Variants in FANCD2 observed in about 807,000 individuals in gnomAD.
FANCD2 encodes the protein FA complementation group D2, also known as Fanconi anemia group D2 protein.
Under a neutral mutation model 192.3 loss-of-function variants are expected in FANCD2, and 131 were observed. That is an observed-to-expected ratio of 0.68 (90% confidence interval 0.59 to 0.79). The LOEUF is 0.79. Among genes scored for constraint, FANCD2 ranks in the 30% least tolerant of loss-of-function variants. FANCD2 has a pLI of 0.00. For missense variants in FANCD2, 1,508 were observed against 1,701.6 expected (o/e 0.89, Z 2.00); for synonymous variants, 524 against 612.5 (o/e 0.86, Z 2.13).
intron 14 of FANCD2, chr3:10,045,790 CAG>C (rs2086989046): frequency 6.6e-6 from 1 of 151,422 alleles, no homozygotes; most frequent in South Asian, 2.1e-4. Context: ...TTAGTAGAGA[CAG>C]GGTTTCAGCA....
intron 39 of FANCD2, among the ~76,000 whole-genome samples, chr3:10,093,790 C>T (rs904742824): frequency 1.3e-4 from 20 of 152,166 alleles, no homozygotes; most frequent in African/African-American, 4.3e-4. Flanking sequence ...AATGCTACTT[C>T]GCCACTCCTC....
chr3:10,088,591 T>G, intron 35 of FANCD2, 49 bp downstream of exon 35: 1 of 1,318,934 alleles, frequency 7.6e-7, no homozygotes, highest in Non-Finnish European at 1.1e-6. Context: ...TTTTCTATTT[T>G]GCTACTGTTG....
intron 29 of FANCD2, among the ~76,000 whole-genome samples, chr3:10,075,937 TAGCC>T (rs1693514788): frequency 6.6e-6 from 1 of 151,932 alleles, no homozygotes; most frequent in Admixed American, 6.6e-5. Flanking sequence ...TCACCGTTGT[TAGCC>T]AGGATGGTCT....
intron 10 of FANCD2, 47 bp from the exon 11 acceptor site, chr3:10,042,512 G>A: frequency 7.5e-7 from 1 of 1,331,882 alleles, no homozygotes; most frequent in Non-Finnish European, 1.1e-6. Flanking sequence ...ACAAAGTTGA[G>A]GTAGTGACAT....
chr3:10,098,299 A>G (rs1377029245), intron 42 of FANCD2, among the ~76,000 whole-genome samples: 1 of 152,180 alleles, frequency 6.6e-6, no homozygotes, highest in Non-Finnish European at 1.5e-5. Flanking sequence ...AAACAGTCCC[A>G]AATCCAGAGC....
chr3:10,034,324 CAAAAAAAA>C (rs879221957), intron 3 of FANCD2, 137 bp from the exon 4 acceptor site: 3 of 416,776 alleles, frequency 7.2e-6, no homozygotes, highest in South Asian at 4.3e-5. Flanking sequence ...AACTCCATCT[CAAAAAAAA>C]AAAAAAAAAA....
At chr3:10,098,995 G>A (rs746388305) in intron 43 of FANCD2, 180 bp downstream of exon 43, 33 of 1,613,606 alleles carry the variant, frequency 2.0e-5, no homozygotes, top group South Asian at 1.3e-4. Context: ...AAGAAACAAC[G>A]ACACAATCTT....
At chr3:10,029,173 A>C (rs1459777136) in intron 2 of FANCD2, among the ~76,000 whole-genome samples, 1 of 152,180 alleles carries the variant, frequency 6.6e-6, no homozygotes, top group Non-Finnish European at 1.5e-5. Flanking sequence ...CCATATGAGA[A>C]ATAGTTGACA....
intron 26 of FANCD2, 139 bp downstream of exon 26, chr3:10,067,456 A>G: frequency 1.5e-6 from 1 of 657,282 alleles, no homozygotes; most frequent in South Asian, 1.7e-5. Context: ...ATGAACATTG[A>G]TACAAAAATC....
chr3:10,039,906 G>T (rs767415779), intron 9 of FANCD2, 61 bp downstream of exon 9: 31 of 1,599,240 alleles, frequency 1.9e-5, no homozygotes, highest in Middle Eastern at 1.9e-4. Flanking sequence ...TATCACTGCA[G>T]TATGCAAAGA....
At chr3:10,046,318 G>T (rs945416818) in intron 14 of FANCD2, 10 of 419,422 alleles carry the variant, frequency 2.4e-5, no homozygotes, top group African/African-American at 1.8e-4. Flanking sequence ...CTCCCAAAGT[G>T]CTGGGATTAC....
Position 10,087,335 on chromosome 3 carries a change from T to C in FANCD2, c.3466+71T>C, listed in dbSNP as rs1575841434. ...GACTAATATCTCACACTTACAAACT[T>C]TGGGCTTCCCAGGACATTTTTACAT... On this transcript the variant is annotated intron_variant, in intron 34 of 43. Transcript: ENST00000675286. 29 of 1,464,694 alleles carry C rather than the reference T, an allele frequency of 2.0e-5. No homozygotes were observed. The South Asian group carries it at 3.4e-4, about 17-fold the overall frequency. 90.7% of individuals were successfully genotyped at this position (1,464,694 alleles called of 1,614,324 possible). A position where few individuals can be genotyped will look rare whatever the true frequency, so the allele number is the denominator to read the frequency against.
chr3:10,095,421 T>C (rs1694895223), intron 41 of FANCD2, 147 bp downstream of exon 41: 3 of 712,292 alleles, frequency 4.2e-6, no homozygotes, highest in African/African-American at 1.8e-5. Context: ...AAATCCTTAG[T>C]TGCTCCTTGA....
chr3:10,036,421 G>A (rs2086733220), intron 7 of FANCD2, 82 bp downstream of exon 7: 1 of 1,075,728 alleles, frequency 9.3e-7, no homozygotes, highest in Non-Finnish European at 1.4e-6. Flanking sequence ...AAAACTATTG[G>A]TTTCTCTGAA....
rs531580849 is a variant in FANCD2 at position 10,042,967 on chromosome 3, G to T, written c.889-83G>T. 1.0e-3 allele frequency: 1,253 copies of T among 1,224,820 alleles called. 2 individuals carry two copies. The highest frequency in any genetic ancestry group is 1.5e-3 in the Non-Finnish European group (1,205 of 829,604). 75.9% of individuals were successfully genotyped at this position (1,224,820 alleles called of 1,614,324 possible). A position where few individuals can be genotyped will look rare whatever the true frequency, so the allele number is the denominator to read the frequency against. On this transcript the variant is annotated intron_variant, in intron 11 of 43. Coordinates refer to ENST00000675286, the MANE Select transcript of FANCD2 (RefSeq NM_001018115.3). ...ATTTTTTTCTTCCTCAGTCTTTCAG[G>T]AGATTGTCATGGTAGAGAGACTGGA...
At chr3:10,074,124 T>G (rs187524733) in intron 28 of FANCD2, among the ~76,000 whole-genome samples, 94 of 152,252 alleles carry the variant, frequency 6.2e-4, no homozygotes, top group Non-Finnish European at 8.8e-4. Context: ...TTTTGTATTT[T>G]TAGTAGAGAC....
In FANCD2 at chr3:10,039,355, A is replaced by C; in HGVS notation, c.568A>C (p.Lys190Gln). 6.2e-7 allele frequency: 1 copy of C among 1,611,264 alleles called. No homozygotes were observed. ...LKWLDRVVDG[K>Q]DLTTKIMQLI... ...ATGGCTTGACAGAGTTGTGGATGGCAAGGTAGGCTTATGGACTTTATCTCT... is the reference window on the plus strand; with the variant it reads ...ATGGCTTGACAGAGTTGTGGATGGCCAGGTAGGCTTATGGACTTTATCTCT... Residue 190 changes from lysine (K) to glutamine (Q), a missense_variant and splice_region_variant, in exon 8 of 44, where the codon AAG (lysine) becomes CAG (glutamine). Physicochemically the swap from Lys to Gln is moderately conservative, Grantham distance 53 (BLOSUM62 1). Around this residue, in one of 5 missense-constraint regions of FANCD2, gnomAD observed 435 missense variants for 421.9 expected, o/e 1.03. Coordinates refer to ENST00000675286, the MANE Select transcript of FANCD2 (RefSeq NM_001018115.3).
chr3:10,034,478 A>G lies in FANCD2; in HGVS notation c.215A>G (p.Gln72Arg). 6.2e-7 allele frequency: 1 copy of G among 1,612,590 alleles called. No homozygotes were observed. Among genetic ancestry groups the G allele is most frequent in the South Asian group, 1.1e-5 (1 of 91,060 alleles). Residue 72 changes from glutamine to arginine, a missense_variant, in exon 4 of 44, where the codon CAA (glutamine) becomes CGA (arginine). Gln to Arg is a conservative substitution (Grantham distance 43). Coordinates refer to ENST00000675286, the MANE Select transcript of FANCD2 (RefSeq NM_001018115.3). ...TCTTTTTTCTGCATAGCTGTGGATCAAATAGCTTTCCAAAAGAAGCTCTTT... is the reference window on the plus strand; with the variant it reads ...TCTTTTTTCTGCATAGCTGTGGATCGAATAGCTTTCCAAAAGAAGCTCTTT... ...GESQNQLAVD[Q>R]IAFQKKLFQT...
chr3:10,028,138 A>G (rs2124960123), intron 1 of FANCD2, among the ~76,000 whole-genome samples: 1 of 152,054 alleles, frequency 6.6e-6, no homozygotes, highest in African/African-American at 2.4e-5. Context: ...ACTAGACTAA[A>G]TTTCCTAGTA....
Sources: allele counts gnomAD v4.1 joint callset (sites outside exome capture counted in the v4.1 genomes callset), GRCh38; gene constraint gnomAD v4.1.1; regional missense constraint gnomAD v4.1.1; transcripts MANE v1.5; gene names NCBI Gene and HGNC (gene_info 2026-07-23, HGNC 2026-07-21).